The following LUC7L2 variants were observed in gnomAD, a reference collection of about 807,000 sequenced individuals.
The protein encoded by LUC7L2 is putative RNA-binding protein Luc7-like 2.
LUC7L2 carries 25 observed loss-of-function variants against 52.8 expected under a neutral mutation model. The ratio of observed to expected loss-of-function variants is 0.47; its 90% CI spans 0.34 to 0.66. The LOEUF (loss-of-function observed/expected upper bound fraction) is 0.66. Ranked by LOEUF, LUC7L2 falls within the 30% of genes least tolerant of loss-of-function variation. The pLI, the probability that LUC7L2 is intolerant of heterozygous loss-of-function variation, is 0.01. For missense variants in LUC7L2, 328 were observed against 497.8 expected (o/e 0.66, Z 3.25); for synonymous variants, 144 against 160.9 (o/e 0.89, Z 0.80).
At chr7:139,350,901 A>G (rs1024244160) in intron 1 of LUC7L2, among the ~76,000 whole-genome samples, 3 of 151,686 alleles carry the variant, frequency 2.0e-5, no homozygotes, top group Admixed American at 6.6e-5. Context: ...GTCTCCGACT[A>G]CTGACCTCGT....
At chr7:139,381,776 T>G (rs1484027346) in intron 2 of LUC7L2, among the ~76,000 whole-genome samples, 1 of 151,722 alleles carries the variant, frequency 6.6e-6, no homozygotes, top group East Asian at 1.9e-4. Context: ...GGGTTTTGCC[T>G]TGTTGGTCAG....
At chr7:139,376,342 C>A (rs187965172) in intron 2 of LUC7L2, among the ~76,000 whole-genome samples, 186 bp downstream of exon 2, 1 of 152,020 alleles carries the variant, frequency 6.6e-6, no homozygotes, top group Admixed American at 6.5e-5. Context: ...GTGGTTGATA[C>A]GTTTTGTTTT....
chr7:139,400,102 C>T (rs1794840719), intron 3 of LUC7L2, among the ~76,000 whole-genome samples: 1 of 150,780 alleles, frequency 6.6e-6, no homozygotes, highest in South Asian at 2.1e-4. Flanking sequence ...TAATTTACAA[C>T]ACATTTTCCC....
At chr7:139,385,863 T>G (rs1402969636) in intron 2 of LUC7L2, among the ~76,000 whole-genome samples, 2 of 152,240 alleles carry the variant, frequency 1.3e-5, no homozygotes, top group African/African-American at 2.4e-5. Context: ...AGTAGTTTTA[T>G]CAACTGTATT....
At chr7:139,353,092 G>A (rs1223852062) in intron 1 of LUC7L2, among the ~76,000 whole-genome samples, 1 of 152,028 alleles carries the variant, frequency 6.6e-6, no homozygotes, top group Non-Finnish European at 1.5e-5. Flanking sequence ...CACCTACTTG[G>A]GAGGCTGAGG....
chr7:139,375,777 A>C (rs193278414), intron 1 of LUC7L2: 166 of 332,048 alleles, frequency 5.0e-4, no homozygotes, highest in Middle Eastern at 2.2e-3. Context: ...TAATCTTTAA[A>C]GTCCATTCCT....
At chr7:139,366,540 T>G (rs890229094) in intron 1 of LUC7L2, among the ~76,000 whole-genome samples, 3 of 152,226 alleles carry the variant, frequency 2.0e-5, no homozygotes, top group Admixed American at 6.5e-5. Flanking sequence ...GGACTGGCAC[T>G]ATGGCCTCCT....
At chr7:139,383,899 A>AATT (rs559078924) in intron 2 of LUC7L2, among the ~76,000 whole-genome samples, 275 of 150,308 alleles carry the variant, frequency 1.8e-3, no homozygotes, top group African/African-American at 5.7e-3. Context: ...ATGCCTGGCT[A>AATT]ATTATTATTA....
intron 1 of LUC7L2, among the ~76,000 whole-genome samples, chr7:139,373,934 A>C (rs1218854064): frequency 6.6e-6 from 1 of 152,162 alleles, no homozygotes; most frequent in Non-Finnish European, 1.5e-5. Flanking sequence ...TTTTGTTTCA[A>C]CTTTAAAATT....
At chr7:139,346,792 A>G (rs1460576697) in intron 1 of LUC7L2, among the ~76,000 whole-genome samples, 1 of 152,136 alleles carries the variant, frequency 6.6e-6, no homozygotes, top group African/African-American at 2.4e-5. Flanking sequence ...ATCTTGTCAA[A>G]TTGTTCCTTC....
intron 2 of LUC7L2, 32 bp downstream of exon 2, chr7:139,376,188 C>G: frequency 1.2e-6 from 2 of 1,604,676 alleles, no homozygotes; most frequent in Non-Finnish European, 1.7e-6. Flanking sequence ...TGTTAGATTA[C>G]TGATATGCTG....
upstream of LUC7L2, among the ~76,000 whole-genome samples, chr7:139,355,435 G>A (rs1799579371): frequency 6.6e-6 from 1 of 151,744 alleles, no homozygotes; most frequent in Non-Finnish European, 1.5e-5. Context: ...ACCAACATGA[G>A]CAACAGACCA....
At chr7:139,374,689 A>G in intron 1 of LUC7L2, 1 of 1,325,542 alleles carries the variant, frequency 7.5e-7, no homozygotes, top group African/African-American at 1.5e-5. Context: ...ACTATAAATT[A>G]CTGTTGTTAA....
chr7:139,377,363 C>G (rs1049503238), intron 2 of LUC7L2, among the ~76,000 whole-genome samples: 1 of 152,034 alleles, frequency 6.6e-6, no homozygotes, highest in African/African-American at 2.4e-5. Flanking sequence ...TGCCACCATG[C>G]CCGGCTAATT....
rs545297450 is a variant in LUC7L2, at chr7:139,403,148, T to C, written c.366+901T>C. On this transcript the variant is annotated intron_variant, in intron 4 of 9. Transcript: ENST00000354926. ...TCCATTGTACAGATATACCACAGTA[T>C]TTTTATTTGCTTTTAAAAGCAAATG... 7.9e-5 allele frequency among the ~76,000 whole-genome samples: 12 copies of C among 152,380 alleles called. No homozygotes were observed. In the South Asian group the frequency reaches 1.7e-3, roughly 21 times the overall value.
At chr7:139,368,039 T>C (rs1171139085) in intron 1 of LUC7L2, among the ~76,000 whole-genome samples, 5 of 152,204 alleles carry the variant, frequency 3.3e-5, no homozygotes, top group Non-Finnish European at 5.9e-5. Context: ...CTGGACACCA[T>C]GTATAAATAT....
chr7:139,403,768 T>G (rs1267553912), intron 4 of LUC7L2, among the ~76,000 whole-genome samples: 1 of 152,252 alleles, frequency 6.6e-6, no homozygotes, highest in East Asian at 1.9e-4. Context: ...GCAGTTATTC[T>G]TGTTTCAGCT....
At chr7:139,345,418 A>G in intron 1 of LUC7L2, 1 of 1,557,656 alleles carries the variant, frequency 6.4e-7, no homozygotes, top group Non-Finnish European at 8.7e-7. Context: ...CTTTCACTCT[A>G]GTGAATGCTT....
chr7:139,417,612 A>C lies in LUC7L2; in HGVS notation c.884A>C (p.Lys295Thr). ...GAACGCAAGAGGAGAACTCGATCCAAATCTCGGGAGAAACGCCATCGCCAC... is the reference window on the plus strand; with the variant it reads ...GAACGCAAGAGGAGAACTCGATCCACATCTCGGGAGAAACGCCATCGCCAC... Reference protein sequence around the residue: ...SRERKRRTRSKSREKRHRHRS... With the variant: ...SRERKRRTRSTSREKRHRHRS... Residue 295 changes from lysine to threonine, a missense_variant, in exon 9 of 10, where the codon AAA becomes ACA. Physicochemically the swap from Lys to Thr is moderately conservative, Grantham distance 78. Around this residue, in one of 2 missense-constraint regions of LUC7L2, gnomAD observed 195 missense variants for 223.3 expected, o/e 0.87. Transcript: ENST00000354926. 1 of 1,614,174 alleles carries C rather than the reference A, an allele frequency of 6.2e-7. No homozygotes were observed. Among genetic ancestry groups the C allele is most frequent in the Non-Finnish European group, 8.5e-7 (1 of 1,180,032 alleles).
Sources: allele counts gnomAD v4.1 joint callset (sites outside exome capture counted in the v4.1 genomes callset), GRCh38; gene constraint gnomAD v4.1.1; regional missense constraint gnomAD v4.1.1; transcripts MANE v1.5; gene names NCBI Gene and HGNC (gene_info 2026-07-23, HGNC 2026-07-21).